The following CORO7 variants were observed in gnomAD, a reference collection of about 807,000 sequenced individuals.
CORO7 encodes the protein coronin-7.
Under a neutral mutation model 126.6 loss-of-function variants are expected in CORO7, and 107 were observed. That is an observed-to-expected ratio of 0.85 (90% CI 0.72 to 0.99). The LOEUF (loss-of-function observed/expected upper bound fraction) is 0.99. Among genes scored for constraint, CORO7 ranks in the 50% least tolerant of loss-of-function variants. The probability of loss-of-function intolerance (pLI) is 0.00; values close to 1 mark genes in which losing one functional copy is unlikely to be tolerated. For synonymous variants in CORO7, 603 were observed against 536.8 expected, an observed-to-expected ratio of 1.12 and a Z score of -1.70; for missense variants, 1,314 against 1,255.8, an observed-to-expected ratio of 1.05 and a Z score of -0.70.
At chr16:4,403,139 AAG>A (rs1365126527) in intron 6 of CORO7, among the ~76,000 whole-genome samples, 1 of 152,106 alleles carries the variant, frequency 6.6e-6, no homozygotes, top group East Asian at 1.9e-4. Flanking sequence ...TGCGGCTGCA[AAG>A]AGGGGCTCAC....
chr16:4,361,079 G>C lies in CORO7; in HGVS notation c.1781C>G (p.Thr594Arg), dbSNP rs201451820. Residue 594 changes from threonine (T) to arginine (R), a missense_variant, in exon 19 of 28, where the codon ACG (threonine) becomes AGG (arginine). By Grantham distance (71) the Thr-to-Arg change is moderately conservative (BLOSUM62 -1). Transcript: ENST00000251166. ...GAAGCGCAGGGAGCAGATCTTCTCC[G>C]TGTGGCCTGGAGGAAGGCAGGGGTG... ...TTPETVLTGH[T>R]EKICSLRFHP... is the part of the protein sequence containing the mutation. 1.3e-5 allele frequency: 21 copies of C among 1,613,368 alleles called. No homozygotes were observed. In the African/African-American group the frequency reaches 2.7e-4, roughly 20 times the overall value.
At chr16:4,413,037 A>C in intron 2 of CORO7, 1 of 386,510 alleles carries the variant, frequency 2.6e-6, no homozygotes, top group East Asian at 4.3e-5. Flanking sequence ...GACAGCTGGA[A>C]ATACAAGCGT....
At chr16:4,360,049 A>G (rs1206623224) in intron 21 of CORO7, among the ~76,000 whole-genome samples, 2 of 138,212 alleles carry the variant, frequency 1.4e-5, no homozygotes, top group African/African-American at 5.5e-5. Context: ...TCATTCATCC[A>G]TCCAGCCATC....
At chr16:4,376,363 C>A (rs1434429848) in intron 9 of CORO7, among the ~76,000 whole-genome samples, 2 of 152,212 alleles carry the variant, frequency 1.3e-5, no homozygotes, top group African/African-American at 4.8e-5. Flanking sequence ...CCAGGCCTGA[C>A]CGGCCACACA....
intron 9 of CORO7, chr16:4,382,778 G>T: frequency 1.9e-6 from 3 of 1,574,730 alleles, no homozygotes; most frequent in Admixed American, 1.8e-5. Context: ...TTGGAGCCAG[G>T]CCCGAAGGCA....
intron 6 of CORO7, 28 bp downstream of exon 6, chr16:4,405,463 C>G: frequency 6.2e-7 from 1 of 1,607,530 alleles, no homozygotes; most frequent in Non-Finnish European, 8.5e-7. Context: ...CACAGAGCCC[C>G]ACAGGGCATC....
chr16:4,395,149 T>G, intron 7 of CORO7, 140 bp downstream of exon 7: 1 of 1,177,484 alleles, frequency 8.5e-7, no homozygotes, highest in South Asian at 1.5e-5. Context: ...GCAGTGGTGG[T>G]CCACCTCCTG....
intron 6 of CORO7, among the ~76,000 whole-genome samples, chr16:4,400,138 T>C (rs1442352453): frequency 6.6e-6 from 1 of 152,180 alleles, no homozygotes; most frequent in Non-Finnish European, 1.5e-5. Flanking sequence ...ATGTCATGCA[T>C]TTATCACAAC....
In CORO7 at chr16:4,357,789, A is replaced by T. The variant is rs543803365; in HGVS notation, c.2593+179T>A. The T allele has an allele frequency of 2.6e-6, 3 of 1,170,538 alleles. 1 individual carries two copies. The South Asian group carries it at 5.0e-5, about 20-fold the overall frequency. 72.5% of individuals were successfully genotyped at this position (1,170,538 alleles called of 1,614,324 possible). A position where few individuals can be genotyped will look rare whatever the true frequency, so the allele number is the denominator to read the frequency against. ...TGTTAGGGGTGGGGACCTGTGATGA[A>T]AACACAGACCACGAGCCCTGCCCTC... On this transcript the variant is annotated intron_variant, in intron 25 of 27. Coordinates refer to ENST00000251166, the MANE Select transcript of CORO7 (RefSeq NM_024535.5).
intron 2 of CORO7, chr16:4,412,704 C>A: frequency 2.1e-6 from 1 of 472,634 alleles, no homozygotes; most frequent in Non-Finnish European, 3.8e-6. Flanking sequence ...GTGGGGCTTT[C>A]GTATGGGGCT....
At chr16:4,413,835 G>T (rs2056305814) in intron 1 of CORO7, among the ~76,000 whole-genome samples, 1 of 150,716 alleles carries the variant, frequency 6.6e-6, no homozygotes, top group East Asian at 2.0e-4. Flanking sequence ...TCCGCCCCCA[G>T]CCGTGTTGTG....
At chr16:4,405,087 C>T (rs1163637302) in intron 6 of CORO7, among the ~76,000 whole-genome samples, 2 of 152,228 alleles carry the variant, frequency 1.3e-5, no homozygotes, top group South Asian at 2.1e-4. Flanking sequence ...GTCACGGGTC[C>T]TCTTGTCTGT....
chr16:4,354,796 C>T lies in CORO7; in HGVS notation c.*362G>A. The T allele has an allele frequency of 3.2e-6, 1 of 314,732 alleles. No homozygotes were observed. Among genetic ancestry groups the T allele is most frequent in the Non-Finnish European group, 5.8e-6 (1 of 172,226 alleles). The allele number at this position is 314,732 out of a possible 1,614,324, so 19.5% of individuals were successfully genotyped here. On this transcript the variant is annotated 3_prime_UTR_variant, in exon 28 of 28. Coordinates refer to ENST00000251166, the MANE Select transcript of CORO7 (RefSeq NM_024535.5). ...GGCAAGATGGGGCAGCGTGGGGTGA[C>T]CAAAGATCCTGGATGAGGCCAATCC...
At chr16:4,373,995 T>TGG (rs916725243) in intron 9 of CORO7, among the ~76,000 whole-genome samples, 8 of 152,046 alleles carry the variant, frequency 5.3e-5, no homozygotes, top group African/African-American at 1.9e-4. Context: ...CTCCCTGGGC[T>TGG]GGGGAGCCCA....
chr16:4,382,022 C>T, intron 9 of CORO7: 1 of 1,603,098 alleles, frequency 6.2e-7, no homozygotes, highest in Non-Finnish European at 8.5e-7. Flanking sequence ...TGGCTTAGCC[C>T]CACAGAGCCG....
rs368526398 is a variant in CORO7 at position 4,365,474 on chromosome 16, C to T, written c.840+17G>A. 28 of 1,556,808 alleles carry T rather than the reference C, an allele frequency of 1.8e-5. No individual in the cohort carries two copies. The highest frequency in any genetic ancestry group is 2.1e-5 in the Non-Finnish European group (24 of 1,150,580). ...CCAGGCTGTGGATGTGGGTGGGAGC[C>T]CCAGCTTCTCACTCACCTTTCCTGC... is the stretch of plus-strand genomic sequence containing the variant. On this transcript the variant is annotated intron_variant, in intron 10 of 27. Coordinates refer to ENST00000251166, the MANE Select transcript of CORO7 (RefSeq NM_024535.5).
At position 4,383,932 on chromosome 16, in the gene CORO7, C is replaced by T. The variant is rs149274741; in HGVS notation, c.785+4054G>A. Among the ~76,000 whole-genome samples, 789 of 152,292 alleles carry T rather than the reference C, an allele frequency of 5.2e-3. 8 individuals are homozygous for T. The highest frequency in any genetic ancestry group is 0.018 in the African/African-American group (740 of 41,566). ...TCTCATTCCAGGCCTCATGGATGGT[C>T]CCGGGAGCAAGTGGCCTCCGGGACC... is the stretch of plus-strand genomic sequence containing the variant. On this transcript the variant is annotated intron_variant, in intron 9 of 27. Coordinates refer to ENST00000251166, the MANE Select transcript of CORO7 (RefSeq NM_024535.5).
chr16:4,402,126 G>T (rs1419001019), intron 6 of CORO7, among the ~76,000 whole-genome samples: 2 of 151,804 alleles, frequency 1.3e-5, no homozygotes, highest in Non-Finnish European at 2.9e-5. Context: ...TTTAGTAGAG[G>T]AGGGGTTTCA....
chr16:4,387,042 C>T (rs1280257974), intron 9 of CORO7, among the ~76,000 whole-genome samples: 1 of 152,238 alleles, frequency 6.6e-6, no homozygotes, highest in Non-Finnish European at 1.5e-5. Flanking sequence ...CCACCCCTTT[C>T]CTGGCTCTGA....
Sources: gnomAD v4.1 joint callset for allele counts (sites outside exome capture counted in the v4.1 genomes callset) on GRCh38, gnomAD v4.1.1 for gene constraint, MANE v1.5 for transcripts, NCBI Gene and HGNC (gene_info 2026-07-23, HGNC 2026-07-21) for gene names.